Variants in EPHA6 observed in about 807,000 individuals in gnomAD.
The protein encoded by EPHA6 is ephrin type-A receptor 6.
EPHA6 carries 50 observed loss-of-function variants against 112.0 expected under a neutral mutation model. The ratio of observed to expected loss-of-function variants is 0.45; its 90% CI spans 0.36 to 0.56. The LOEUF (loss-of-function observed/expected upper bound fraction) is 0.56, where lower values mean the gene tolerates loss of function less well. EPHA6 is among the 20% of genes least tolerant of loss of function. The pLI, the probability that EPHA6 is intolerant of heterozygous loss-of-function variation, is 0.00. For missense variants in EPHA6, 1,280 were observed against 1,417.4 expected, an observed-to-expected ratio of 0.90 and a Z score of 1.56; for synonymous variants, 529 against 490.7, an observed-to-expected ratio of 1.08 and a Z score of -1.03.
intron 14 of EPHA6, among the ~76,000 whole-genome samples, chr3:97,684,318 G>C (rs1004295196): frequency 4.6e-5 from 7 of 152,170 alleles, no homozygotes; most frequent in Non-Finnish European, 8.8e-5. Context: ...AGATTTAAAG[G>C]CCTTTGGAAA....
intron 3 of EPHA6, among the ~76,000 whole-genome samples, chr3:97,092,660 C>T (rs1001604567): frequency 1.3e-5 from 2 of 151,926 alleles, no homozygotes; most frequent in African/African-American, 4.8e-5. Context: ...GTTATTGGTA[C>T]TCTTTTCAAC....
chr3:97,365,639 C>T (rs1407341332), intron 5 of EPHA6, among the ~76,000 whole-genome samples: 2 of 152,104 alleles, frequency 1.3e-5, no homozygotes, highest in African/African-American at 4.8e-5. Context: ...CCACCTGCCT[C>T]GGCCTCCTAA....
intron 3 of EPHA6, among the ~76,000 whole-genome samples, chr3:97,205,645 G>A (rs933068503): frequency 8.6e-5 from 13 of 151,992 alleles, no homozygotes; most frequent in Non-Finnish European, 1.8e-4. Context: ...GGTATACCTA[G>A]GGGTCTTGGA....
At chr3:97,490,010 A>G (rs2091798825) in intron 10 of EPHA6, among the ~76,000 whole-genome samples, 2 of 152,238 alleles carry the variant, frequency 1.3e-5, no homozygotes, top group South Asian at 4.1e-4. Context: ...CACATTTTCT[A>G]TCTTATATAC....
chr3:97,574,506 G>A (rs750781518), intron 11 of EPHA6, among the ~76,000 whole-genome samples: 30 of 152,110 alleles, frequency 2.0e-4, no homozygotes, highest in Non-Finnish European at 2.6e-4. Context: ...AGACCTATTA[G>A]CATTTTCTTA....
intron 3 of EPHA6, among the ~76,000 whole-genome samples, chr3:97,108,299 C>T (rs1024676819): frequency 2.0e-5 from 3 of 152,104 alleles, no homozygotes; most frequent in African/African-American, 7.2e-5. Flanking sequence ...AGCAAGTGTT[C>T]CCATTTAAAA....
rs1048638389 is a variant in EPHA6 at position 97,015,813 on chromosome 3, T to C, written c.1114+27820T>C. Among the ~76,000 whole-genome samples, 10 of 152,294 alleles carry C rather than the reference T, an allele frequency of 6.6e-5. No individual in the cohort carries two copies. The East Asian group carries it at 1.7e-3, about 26-fold the overall frequency. On this transcript the variant is annotated intron_variant, in intron 3 of 17. Transcript: ENST00000389672. ...GAGAGCGTTATCAAGTTCATTGGGC[T>C]CACAGAAACAGATAATTTATTTAAA... is the stretch of plus-strand genomic sequence containing the variant.
chr3:96,882,309 C>A (rs937152773), intron 2 of EPHA6, among the ~76,000 whole-genome samples: 1 of 152,226 alleles, frequency 6.6e-6, no homozygotes, highest in Admixed American at 6.5e-5. Flanking sequence ...CATACATCTT[C>A]TGAAATCTAG....
chr3:97,324,453 CT>C (rs2082300495), intron 5 of EPHA6, among the ~76,000 whole-genome samples: 1 of 144,088 alleles, frequency 6.9e-6, no homozygotes, highest in African/African-American at 2.6e-5. Flanking sequence ...TTCTTTCTTT[CT>C]TTCTTTCTTT....
intron 10 of EPHA6, among the ~76,000 whole-genome samples, chr3:97,500,299 A>AT (rs2107552246): frequency 6.6e-6 from 1 of 152,014 alleles, no homozygotes; most frequent in East Asian, 1.9e-4. Context: ...TTTTTAAAAA[A>AT]AGAGGTTTAA....
At chr3:97,237,270 T>G (rs2078707302) in intron 4 of EPHA6, among the ~76,000 whole-genome samples, 1 of 152,020 alleles carries the variant, frequency 6.6e-6, no homozygotes, top group African/African-American at 2.4e-5. Flanking sequence ...TATATTGCAA[T>G]GCTGTATTTT....
chr3:97,278,841 G>A (rs1255350861), intron 5 of EPHA6, among the ~76,000 whole-genome samples: 1 of 152,166 alleles, frequency 6.6e-6, no homozygotes, highest in Admixed American at 6.6e-5. Context: ...GAAGGATTTT[G>A]ACTCAGACTC....
At chr3:96,960,857 G>A (rs1467580347) in intron 2 of EPHA6, among the ~76,000 whole-genome samples, 1 of 152,114 alleles carries the variant, frequency 6.6e-6, no homozygotes, top group Non-Finnish European at 1.5e-5. Context: ...CTGAGTCATA[G>A]GTGAATAATC....
intron 11 of EPHA6, among the ~76,000 whole-genome samples, chr3:97,556,410 G>A (rs2093110244): frequency 6.6e-6 from 1 of 152,048 alleles, no homozygotes; most frequent in Admixed American, 6.6e-5. Flanking sequence ...GCATGGCTGG[G>A]GGGTCCTCAG....
At chr3:96,899,166 C>A (rs921497667) in intron 2 of EPHA6, among the ~76,000 whole-genome samples, 10 of 151,920 alleles carry the variant, frequency 6.6e-5, no homozygotes, top group African/African-American at 2.4e-4. Context: ...TTTTTCTTGC[C>A]CCTTTTAAGC....
chr3:97,290,674 G>A (rs958484325), intron 5 of EPHA6, among the ~76,000 whole-genome samples: 1 of 151,988 alleles, frequency 6.6e-6, no homozygotes, highest in African/African-American at 2.4e-5. Flanking sequence ...ATGTATAGTT[G>A]TTTATTACAG....
chr3:97,698,791 T>C (rs2033197053), intron 14 of EPHA6, among the ~76,000 whole-genome samples: 1 of 152,366 alleles, frequency 6.6e-6, no homozygotes, highest in South Asian at 2.1e-4. Flanking sequence ...TGACAATCAT[T>C]TTATTAACCA....
At chr3:96,872,785 T>C (rs1176397635) in intron 2 of EPHA6, among the ~76,000 whole-genome samples, 1 of 152,042 alleles carries the variant, frequency 6.6e-6, no homozygotes, top group Admixed American at 6.6e-5. Flanking sequence ...TTTTTAAATT[T>C]GATGTGAAAA....
chr3:97,228,469 G>A (rs1029661497), intron 4 of EPHA6, among the ~76,000 whole-genome samples: 1 of 151,438 alleles, frequency 6.6e-6, no homozygotes, highest in African/African-American at 2.4e-5. Context: ...CCAACTCCAG[G>A]TTGCTGCAAA....
Sources: allele counts gnomAD v4.1 joint callset (sites outside exome capture counted in the v4.1 genomes callset), GRCh38; gene constraint gnomAD v4.1.1; transcripts MANE v1.5; gene names NCBI Gene and HGNC (gene_info 2026-07-23, HGNC 2026-07-21).